Variants in KLF12 observed in about 807,000 individuals in gnomAD.
KLF12 encodes KLF transcription factor 12.
KLF12 carries 9 observed loss-of-function variants against 37.8 expected under a neutral mutation model. The ratio of observed to expected loss-of-function variants is 0.24; its 90% CI spans 0.14 to 0.42. The LOEUF is 0.42. Ranked by LOEUF, KLF12 falls within the 10% of genes least tolerant of loss-of-function variation. The pLI, the probability that KLF12 is intolerant of heterozygous loss-of-function variation, is 1.00. For missense variants in KLF12, 411 were observed against 516.0 expected, an observed-to-expected ratio of 0.80 and a Z score of 1.97; for synonymous variants, 208 against 202.1, an observed-to-expected ratio of 1.03 and a Z score of -0.25.
intron 2 of KLF12, among the ~76,000 whole-genome samples, chr13:73,984,311 G>A (rs556500589): frequency 5.9e-5 from 9 of 152,308 alleles, no homozygotes; most frequent in Non-Finnish European, 1.0e-4. Flanking sequence ...CACTGGGAAG[G>A]TGCAGCTCAC....
chr13:74,207,110 G>T, the KLF12 span, among the ~76,000 whole-genome samples: 1 of 152,176 alleles, frequency 6.6e-6, no homozygotes, highest in African/African-American at 2.4e-5. Context: ...GAGGTTGAGA[G>T]AGTACAAGAA....
intron 4 of KLF12, among the ~76,000 whole-genome samples, chr13:73,825,013 G>A (rs1224751615): frequency 6.6e-6 from 1 of 151,892 alleles, no homozygotes; most frequent in Admixed American, 6.6e-5. Context: ...AGGTTGCAGT[G>A]CGCTGAGATT....
the KLF12 span, among the ~76,000 whole-genome samples, chr13:74,202,929 A>T: frequency 6.6e-6 from 1 of 152,174 alleles, no homozygotes; most frequent in Non-Finnish European, 1.5e-5. Flanking sequence ...CAGCAAGACC[A>T]GCATGTTAAT....
chr13:73,764,080 T>C (rs990743614), intron 6 of KLF12, among the ~76,000 whole-genome samples: 2 of 152,174 alleles, frequency 1.3e-5, no homozygotes, highest in African/African-American at 4.8e-5. Flanking sequence ...TCTTTGGTGA[T>C]CATCTTCCCA....
At chr13:74,282,062 G>A in the KLF12 span, among the ~76,000 whole-genome samples, 23 of 152,236 alleles carry the variant, frequency 1.5e-4, no homozygotes, top group African/African-American at 5.5e-4. Flanking sequence ...GTCAATTACC[G>A]GAGGAGTTTA....
intron 1 of KLF12, among the ~76,000 whole-genome samples, chr13:74,011,828 G>A (rs990512463): frequency 2.0e-5 from 3 of 152,196 alleles, no homozygotes; most frequent in Non-Finnish European, 2.9e-5. Context: ...AATACCAAGG[G>A]ACAAACAGTA....
intron 3 of KLF12, among the ~76,000 whole-genome samples, chr13:73,923,911 A>G (rs1663834445): frequency 6.6e-6 from 1 of 152,230 alleles, no homozygotes. Context: ...CATCAATACC[A>G]TGCAGGCACA....
At chr13:73,846,995 T>C (rs1594164444) in intron 3 of KLF12, among the ~76,000 whole-genome samples, 1 of 152,304 alleles carries the variant, frequency 6.6e-6, no homozygotes, top group East Asian at 1.9e-4. Flanking sequence ...GTCTATGAAT[T>C]TTCATTTAAT....
intron 3 of KLF12, among the ~76,000 whole-genome samples, chr13:73,863,756 G>A (rs924955074): frequency 1.3e-5 from 2 of 152,056 alleles, no homozygotes; most frequent in Non-Finnish European, 2.9e-5. Flanking sequence ...TTAAACTTCT[G>A]GGGCCATACA....
At chr13:74,106,578 C>T (rs990692965) in intron 1 of KLF12, among the ~76,000 whole-genome samples, 1 of 152,110 alleles carries the variant, frequency 6.6e-6, no homozygotes, top group African/African-American at 2.4e-5. Context: ...AAAATCAGTG[C>T]ATACTTAAAA....
intron 1 of KLF12, among the ~76,000 whole-genome samples, chr13:74,109,469 A>G (rs1222906005): frequency 2.0e-5 from 3 of 152,164 alleles, no homozygotes; most frequent in Non-Finnish European, 4.4e-5. Context: ...ATATTTTGTA[A>G]TAATTTTTAA....
intron 3 of KLF12, among the ~76,000 whole-genome samples, chr13:73,848,221 T>C (rs1470794803): frequency 6.6e-6 from 1 of 152,106 alleles, no homozygotes; most frequent in African/African-American, 2.4e-5. Context: ...CTACATACAT[T>C]TACAAATCAA....
intron 4 of KLF12, among the ~76,000 whole-genome samples, chr13:73,820,290 C>G (rs1318611331): frequency 6.6e-6 from 1 of 152,128 alleles, no homozygotes; most frequent in Non-Finnish European, 1.5e-5. Flanking sequence ...AGTTAAAACT[C>G]AGGACTTGGT....
chr13:73,842,728 G>A (rs1013665909), intron 4 of KLF12, among the ~76,000 whole-genome samples: 7 of 152,094 alleles, frequency 4.6e-5, no homozygotes, highest in East Asian at 1.9e-4. Flanking sequence ...CTTCCCTATC[G>A]TATTTTCCTT....
At chr13:74,059,676 T>C (rs1187556141) in intron 1 of KLF12, among the ~76,000 whole-genome samples, 2 of 152,214 alleles carry the variant, frequency 1.3e-5, no homozygotes, top group Admixed American at 6.5e-5. Flanking sequence ...ATATTATTAG[T>C]CCTTTATTAT....
At chr13:74,210,473 A>T in the KLF12 span, among the ~76,000 whole-genome samples, 1 of 152,188 alleles carries the variant, frequency 6.6e-6, no homozygotes, top group East Asian at 1.9e-4. Context: ...TCACTGGTTT[A>T]TTAATCTTTT....
At chr13:74,278,251 C>T in the KLF12 span, among the ~76,000 whole-genome samples, 1 of 152,180 alleles carries the variant, frequency 6.6e-6, no homozygotes, top group Non-Finnish European at 1.5e-5. Flanking sequence ...CTGGTGACAG[C>T]TGCCAGTTTA....
chr13:74,265,957 A>T, the KLF12 span, among the ~76,000 whole-genome samples: 1 of 152,212 alleles, frequency 6.6e-6, no homozygotes, highest in Non-Finnish European at 1.5e-5. Context: ...AGCTCCATTC[A>T]ACTCTCCAAT....
the KLF12 span, among the ~76,000 whole-genome samples, chr13:74,146,174 C>A: frequency 6.6e-6 from 1 of 152,034 alleles, no homozygotes; most frequent in Non-Finnish European, 1.5e-5. Flanking sequence ...TGGTCAGAGA[C>A]CTTTAAATAA....
Sources: allele counts gnomAD v4.1 joint callset (sites outside exome capture counted in the v4.1 genomes callset), GRCh38; gene constraint gnomAD v4.1.1; transcripts MANE v1.5; gene names NCBI Gene and HGNC (gene_info 2026-07-23, HGNC 2026-07-21).